The following LRRC37A2 variants were observed in gnomAD, a reference collection of about 807,000 sequenced individuals.
LRRC37A2 encodes the protein leucine rich repeat containing 37 member A2.
Under a neutral mutation model 68.8 loss-of-function variants are expected in LRRC37A2, and 9 were observed. The ratio of observed to expected loss-of-function variants is 0.13; its 90% CI spans 0.08 to 0.23. The LOEUF (loss-of-function observed/expected upper bound fraction) is 0.23. Among genes scored for constraint, LRRC37A2 ranks in the 10% least tolerant of loss-of-function variants. The pLI is 1.00. For missense variants in LRRC37A2, 168 were observed against 950.4 expected, an observed-to-expected ratio of 0.18 and a Z score of 10.82; for synonymous variants, 63 against 367.6, an observed-to-expected ratio of 0.17 and a Z score of 9.48.
At chr17:46,955,827 C>G in the LRRC37A2 span, 2 of 152,238 alleles carry the variant, frequency 1.3e-5, no homozygotes, top group Non-Finnish European at 2.9e-5. Flanking sequence ...TGTCTCATCT[C>G]TCTCACCCCA....
chr17:46,763,452 G>T, the LRRC37A2 span: 1 of 152,364 alleles, frequency 6.6e-6, no homozygotes. Context: ...ATGCAGGTGA[G>T]GGAGGAAGAG....
At chr17:46,755,578 A>T in the LRRC37A2 span, 2 of 681,274 alleles carry the variant, frequency 2.9e-6, no homozygotes, top group Non-Finnish European at 2.5e-6. Flanking sequence ...TCCTTGTCAC[A>T]ATGCAGGAAA....
chr17:46,860,436 G>A, the LRRC37A2 span, among the ~76,000 whole-genome samples: 4 of 152,248 alleles, frequency 2.6e-5, no homozygotes, highest in East Asian at 1.9e-4. Flanking sequence ...TATAGTGTAA[G>A]GGGCACTGGG....
the LRRC37A2 span, among the ~76,000 whole-genome samples, chr17:46,895,226 G>A: frequency 1.2e-4 from 18 of 152,352 alleles, 1 homozygote; most frequent in African/African-American, 2.6e-4. Flanking sequence ...CGGTCAGTGC[G>A]GAGGCTGCTA....
chr17:46,710,629 T>G, the LRRC37A2 span, among the ~76,000 whole-genome samples: 1 of 152,216 alleles, frequency 6.6e-6, no homozygotes, highest in Non-Finnish European at 1.5e-5. Context: ...TCCTTTGTTC[T>G]TAACAGAACA....
chr17:46,990,281 TA>T, the LRRC37A2 span, among the ~76,000 whole-genome samples: 4 of 152,214 alleles, frequency 2.6e-5, no homozygotes, highest in East Asian at 7.7e-4. Context: ...TCTGGTGACA[TA>T]AGGTATTAAA....
At chr17:46,496,618 A>C in the LRRC37A2 span, among the ~76,000 whole-genome samples, 122 of 86,002 alleles carry the variant, frequency 1.4e-3, 3 homozygotes, top group Middle Eastern at 7.8e-3. Context: ...AAAAAAAAAA[A>C]AACAAAACAA....
At chr17:46,991,823 T>C in the LRRC37A2 span, among the ~76,000 whole-genome samples, 2 of 152,224 alleles carry the variant, frequency 1.3e-5, no homozygotes, top group Non-Finnish European at 2.9e-5. Context: ...AACACAGCTA[T>C]GTGCATTCAT....
chr17:46,752,944 T>C, the LRRC37A2 span, among the ~76,000 whole-genome samples: 2 of 152,116 alleles, frequency 1.3e-5, no homozygotes, highest in Non-Finnish European at 2.9e-5. Context: ...ATTTTTTGTA[T>C]TTTTAGTAGA....
chr17:46,931,633 T>TA, the LRRC37A2 span: 1 of 281,056 alleles, frequency 3.6e-6, no homozygotes, highest in African/African-American at 2.3e-5. Flanking sequence ...AGCATGAAAT[T>TA]AAAATGAAAC....
the LRRC37A2 span, among the ~76,000 whole-genome samples, chr17:46,901,650 G>A: frequency 6.6e-6 from 1 of 152,178 alleles, no homozygotes; most frequent in South Asian, 2.1e-4. Flanking sequence ...CTTCTAATGG[G>A]AAAGAAGCTG....
At chr17:46,457,646 G>GT in the LRRC37A2 span, among the ~76,000 whole-genome samples, 1 of 110,866 alleles carries the variant, frequency 9.0e-6, no homozygotes, top group Non-Finnish European at 2.1e-5. Flanking sequence ...TTTCCTGCAA[G>GT]TAAGAGGGAA....
the LRRC37A2 span, among the ~76,000 whole-genome samples, chr17:46,413,390 G>A: frequency 3.9e-5 from 3 of 76,848 alleles, 1 homozygote; most frequent in African/African-American, 1.1e-4. Flanking sequence ...AAGAATTTCT[G>A]TATACTGCCT....
the LRRC37A2 span, among the ~76,000 whole-genome samples, chr17:46,689,693 TC>T: frequency 1.5e-5 from 1 of 64,776 alleles, no homozygotes; most frequent in Non-Finnish European, 2.8e-5. Context: ...ATAGGCACTA[TC>T]AGGTACTGTG....
chr17:46,601,921 C>T, the LRRC37A2 span, among the ~76,000 whole-genome samples: 2 of 146,882 alleles, frequency 1.4e-5, no homozygotes, highest in African/African-American at 5.3e-5. Context: ...TGGTGGCTCA[C>T]ACCTGTAATC....
the LRRC37A2 span, chr17:46,722,189 G>T: frequency 1.9e-6 from 3 of 1,601,214 alleles, no homozygotes; most frequent in South Asian, 2.2e-5. Flanking sequence ...GGGAGAACTT[G>T]CAGCGCCTGC....
the LRRC37A2 span, among the ~76,000 whole-genome samples, chr17:46,980,498 T>C: frequency 6.6e-6 from 1 of 151,742 alleles, no homozygotes; most frequent in South Asian, 2.1e-4. Flanking sequence ...TGATTTTTCT[T>C]TAGATTGTAT....
the LRRC37A2 span, among the ~76,000 whole-genome samples, chr17:46,927,870 C>T: frequency 1.3e-5 from 2 of 152,148 alleles, no homozygotes; most frequent in South Asian, 2.1e-4. Context: ...TGTCACTGTT[C>T]GTGTTGATCA....
chr17:46,782,882 G>A, the LRRC37A2 span, among the ~76,000 whole-genome samples: 1 of 152,358 alleles, frequency 6.6e-6, no homozygotes, highest in Non-Finnish European at 1.5e-5. Context: ...CTGAGCACAG[G>A]TCTGGACCTT....
Sources: gnomAD v4.1 joint callset for allele counts (sites outside exome capture counted in the v4.1 genomes callset) on GRCh38, gnomAD v4.1.1 for gene constraint, MANE v1.5 for transcripts, NCBI Gene and HGNC (gene_info 2026-07-23, HGNC 2026-07-21) for gene names.